Variants in GRIN2A observed in about 807,000 individuals in gnomAD.
The protein encoded by GRIN2A is glutamate ionotropic receptor NMDA type subunit 2A.
Under a neutral mutation model 113.4 loss-of-function variants are expected in GRIN2A, and 22 were observed. The ratio of observed to expected loss-of-function variants is 0.19; its 90% confidence interval spans 0.14 to 0.28. GRIN2A has a LOEUF of 0.28. Ranked by LOEUF, GRIN2A falls within the 10% of genes least tolerant of loss-of-function variation. GRIN2A has a pLI of 1.00. For synonymous variants in GRIN2A, 827 were observed against 738.4 expected, an observed-to-expected ratio of 1.12 and a Z score of -1.94; for missense variants, 1,502 against 1,887.0, an observed-to-expected ratio of 0.80 and a Z score of 3.78.
intron 2 of GRIN2A, among the ~76,000 whole-genome samples, chr16:10,129,102 G>T (rs1186725365): frequency 6.6e-6 from 1 of 151,920 alleles, no homozygotes. Context: ...TTAAAACAGG[G>T]TCTCGCTCTG....
chr16:9,801,950 A>G (rs1373095782), intron 10 of GRIN2A, among the ~76,000 whole-genome samples: 2 of 152,210 alleles, frequency 1.3e-5, no homozygotes, highest in Non-Finnish European at 2.9e-5. Context: ...GGCTACAGAC[A>G]ACTGCGTGTT....
intron 4 of GRIN2A, among the ~76,000 whole-genome samples, chr16:9,881,468 T>C (rs1009370401): frequency 1.3e-5 from 2 of 152,212 alleles, no homozygotes; most frequent in African/African-American, 2.4e-5. Flanking sequence ...GGGAGGCTTA[T>C]AAAACATGCA....
intron 2 of GRIN2A, among the ~76,000 whole-genome samples, chr16:10,068,318 G>A (rs550050530): frequency 3.3e-4 from 50 of 152,306 alleles, no homozygotes; most frequent in African/African-American, 1.2e-3. Flanking sequence ...AAGAAAAGAC[G>A]TTTAATTGGC....
rs184020329 is a variant in GRIN2A, at chr16:9,902,908, G to T, written c.1008-11808C>A. Among the ~76,000 whole-genome samples the T allele has an allele frequency of 3.0e-4, 40 of 132,968 alleles. No homozygotes were observed. The East Asian group carries it at 8.6e-3, about 29-fold the overall frequency. 87.2% of individuals were successfully genotyped at this position (132,968 alleles called of 152,430 possible). A position where few individuals can be genotyped will look rare whatever the true frequency, so the allele number is the denominator to read the frequency against. On this transcript the variant is annotated intron_variant, in intron 3 of 12. Transcript: ENST00000330684. ...TTTCAAGCTGTTTCTTCATTGTGGG[G>T]TTTCCTAATAATCTTTCCTTCTCTT...
intron 2 of GRIN2A, among the ~76,000 whole-genome samples, chr16:10,101,447 C>T (rs559567994): frequency 5.6e-4 from 86 of 152,288 alleles, no homozygotes; most frequent in Non-Finnish European, 8.2e-4. Flanking sequence ...AACCTCCGAG[C>T]GCCGTGGAAG....
rs139818697 is a variant in GRIN2A, at chr16:9,814,135, A to C, written c.2168+8129T>G. On this transcript the variant is annotated intron_variant, in intron 10 of 12. Coordinates refer to ENST00000330684, the MANE Select transcript of GRIN2A (RefSeq NM_001134407.3). ...GAAATGATAATGCTGTGATTTTATC[A>C]GTTCTCAGATCATCAATTAATATGA... Among the ~76,000 whole-genome samples, 173 of 152,326 alleles carry C rather than the reference A, an allele frequency of 1.1e-3. 1 individual carries two copies. Among genetic ancestry groups the C allele is most frequent in the Admixed American group, 1.8e-3 (28 of 15,298 alleles).
intron 4 of GRIN2A, among the ~76,000 whole-genome samples, chr16:9,882,718 T>A (rs752703693): frequency 2.0e-5 from 3 of 152,158 alleles, no homozygotes; most frequent in South Asian, 2.1e-4. Context: ...GCCCAGGAAT[T>A]TGAGGCTGTA....
At chr16:9,986,508 T>A (rs1280247149) in intron 2 of GRIN2A, among the ~76,000 whole-genome samples, 1 of 152,280 alleles carries the variant, frequency 6.6e-6, no homozygotes, top group African/African-American at 2.4e-5. Flanking sequence ...CTCACACCTG[T>A]AATCCCAGCA....
At chr16:10,070,234 C>T (rs1045256141) in intron 2 of GRIN2A, among the ~76,000 whole-genome samples, 16 of 152,130 alleles carry the variant, frequency 1.1e-4, no homozygotes, top group Non-Finnish European at 2.4e-4. Flanking sequence ...CCTGCACCAC[C>T]TCGAAGCACC....
rs575890268 is a variant in GRIN2A at position 9,870,036 on chromosome 16, C to G, written c.1123-20075G>C. Reference sequence around the variant, plus strand: ...AAGGAAATGTATTTGGATTTTTTTTCCCTGCTCTAAGAGGAGACAGATCTG... The same window carrying G: ...AAGGAAATGTATTTGGATTTTTTTTGCCTGCTCTAAGAGGAGACAGATCTG... On this transcript the variant is annotated intron_variant, in intron 4 of 12. Transcript: ENST00000330684. Among the ~76,000 whole-genome samples the G allele has an allele frequency of 6.6e-5, 10 of 152,178 alleles. No homozygotes were observed. In the East Asian group the frequency reaches 1.9e-3, roughly 29 times the overall value.
At chr16:9,769,162 GA>G in intron 11 of GRIN2A, 73 bp from the exon 12 acceptor site, 1 of 1,182,858 alleles carries the variant, frequency 8.5e-7, no homozygotes, top group South Asian at 1.2e-5. Context: ...TCTGGGTTTG[GA>G]ACAGACGATG....
chr16:9,890,857 G>A, intron 4 of GRIN2A, 129 bp downstream of exon 4: 1 of 702,096 alleles, frequency 1.4e-6, no homozygotes, highest in Non-Finnish European at 2.6e-6. Context: ...AGAAAGACGT[G>A]CTCTTGGCTG....
At chr16:9,799,058 G>A (rs937121693) in intron 10 of GRIN2A, among the ~76,000 whole-genome samples, 1 of 152,178 alleles carries the variant, frequency 6.6e-6, no homozygotes, top group Admixed American at 6.5e-5. Context: ...CCTTCCAAAT[G>A]TTTTAGTGAG....
intron 2 of GRIN2A, among the ~76,000 whole-genome samples, chr16:10,075,856 C>A (rs972994647): frequency 6.6e-6 from 1 of 151,996 alleles, no homozygotes; most frequent in African/African-American, 2.4e-5. Context: ...AATTAATATG[C>A]TAAAAAATTA....
intron 9 of GRIN2A, among the ~76,000 whole-genome samples, chr16:9,823,090 C>T (rs933412143): frequency 3.9e-5 from 6 of 152,124 alleles, no homozygotes; most frequent in African/African-American, 7.2e-5. Context: ...ATCAGGGATA[C>T]GCAGCACTCG....
At chr16:9,884,085 G>C (rs1186720707) in intron 4 of GRIN2A, among the ~76,000 whole-genome samples, 1 of 151,890 alleles carries the variant, frequency 6.6e-6, no homozygotes, top group Admixed American at 6.6e-5. Context: ...AGTTTGTCTA[G>C]GATACACTAA....
chr16:10,179,710 A>G lies in GRIN2A; in HGVS notation c.414+288T>C, dbSNP rs537275971. On this transcript the variant is annotated intron_variant, in intron 2 of 12. Transcript: ENST00000330684. Reference sequence around the variant, plus strand: ...CTCCAAACATGCCACCACCGCCACCACCACCACCCCACAGCCTACTTCTCA... The same window carrying G: ...CTCCAAACATGCCACCACCGCCACCGCCACCACCCCACAGCCTACTTCTCA... 30 of 485,656 alleles carry G rather than the reference A, an allele frequency of 6.2e-5. No individual in the cohort carries two copies. The South Asian group carries it at 6.3e-4, about 10-fold the overall frequency. The allele number at this position is 485,656 out of a possible 1,614,324, so 30.1% of individuals were successfully genotyped here.
intron 2 of GRIN2A, among the ~76,000 whole-genome samples, chr16:10,035,092 C>G (rs912903483): frequency 6.6e-6 from 1 of 152,128 alleles, no homozygotes; most frequent in Non-Finnish European, 1.5e-5. Context: ...GTGGCACCAT[C>G]ACAACTCACT....
intron 2 of GRIN2A, among the ~76,000 whole-genome samples, chr16:10,165,995 G>A (rs942986649): frequency 1.1e-4 from 16 of 152,128 alleles, no homozygotes; most frequent in Non-Finnish European, 1.9e-4. Context: ...ACTACAGCAA[G>A]CCTGCCTTTT....
Sources: gnomAD v4.1 joint callset for allele counts (sites outside exome capture counted in the v4.1 genomes callset) on GRCh38, gnomAD v4.1.1 for gene constraint, MANE v1.5 for transcripts, NCBI Gene and HGNC (gene_info 2026-07-23, HGNC 2026-07-21) for gene names.